IKZF3: variants seen among roughly 807,000 people sequenced by gnomAD.
IKZF3 encodes the protein IKAROS family zinc finger 3, also known as zinc finger protein Aiolos.
Under a neutral mutation model 49.0 loss-of-function variants are expected in IKZF3, and 10 were observed. That is an observed-to-expected ratio of 0.20 (90% CI 0.13 to 0.35). IKZF3 has a LOEUF of 0.35. IKZF3 is among the 10% of genes least tolerant of loss of function. The pLI, the probability that IKZF3 is intolerant of heterozygous loss-of-function variation, is 1.00. For missense variants in IKZF3, 498 were observed against 664.8 expected (o/e 0.75, Z 2.76); for synonymous variants, 209 against 228.2 (o/e 0.92, Z 0.76).
At chr17:39,805,357 G>A (rs1032476601) in intron 3 of IKZF3, among the ~76,000 whole-genome samples, 5 of 152,104 alleles carry the variant, frequency 3.3e-5, no homozygotes, top group African/African-American at 7.2e-5. Context: ...CATATTAGCC[G>A]AAGACAGAGG....
intron 1 of IKZF3, among the ~76,000 whole-genome samples, chr17:39,838,550 C>T (rs2062371339): frequency 6.6e-6 from 1 of 151,828 alleles, no homozygotes; most frequent in Non-Finnish European, 1.5e-5. Flanking sequence ...TCTCTAAATG[C>T]TTTCAAATAT....
At chr17:39,838,583 G>A (rs772361183) in intron 1 of IKZF3, among the ~76,000 whole-genome samples, 6 of 151,608 alleles carry the variant, frequency 4.0e-5, no homozygotes, top group East Asian at 1.9e-4. Context: ...ATTCTCCCAC[G>A]CTTTTCCTTC....
intron 3 of IKZF3, among the ~76,000 whole-genome samples, chr17:39,798,040 T>C (rs1434414650): frequency 1.3e-5 from 2 of 152,164 alleles, no homozygotes; most frequent in African/African-American, 4.8e-5. Context: ...TTTCTCCTGA[T>C]TGGGCCCCAC....
Position 39,766,166 on chromosome 17 carries a change from T to A in IKZF3, c.1154A>T (p.Asp385Val). 6.2e-7 allele frequency: 1 copy of A among 1,612,194 alleles called. No homozygotes were observed. The highest frequency in any genetic ancestry group is 8.5e-7 in the Non-Finnish European group (1 of 1,179,426). Residue 385 changes from aspartate (D) to valine (V), a missense_variant, in exon 8 of 8, where the codon GAC (aspartate) becomes GTC (valine). This residue lies in a region of IKZF3 where 317 missense variants were observed against 397.3 expected (regional missense o/e 0.80). Coordinates refer to ENST00000346872, the MANE Select transcript of IKZF3 (RefSeq NM_012481.5). Reference protein sequence around the residue: ...RGLSPNNSGHDSTDTDSNHEE... With the variant: ...RGLSPNNSGHVSTDTDSNHEE... Reference sequence around the variant, plus strand: ...ATGGTTGCTGTCAGTGTCCGTGGAGTCGTGGCCACTATTGTTGGGAGAGAG... The same window carrying A: ...ATGGTTGCTGTCAGTGTCCGTGGAGACGTGGCCACTATTGTTGGGAGAGAG...
chr17:39,819,508 C>A (rs1347758382), intron 3 of IKZF3, among the ~76,000 whole-genome samples: 1 of 152,042 alleles, frequency 6.6e-6, no homozygotes, highest in East Asian at 1.9e-4. Flanking sequence ...TGCCAGGCAG[C>A]ATTTTTCTGT....
chr17:39,858,223 C>A (rs1205137939), intron 1 of IKZF3, among the ~76,000 whole-genome samples: 2 of 151,928 alleles, frequency 1.3e-5, no homozygotes, highest in Admixed American at 1.3e-4. Context: ...CTTTGGGAGG[C>A]CAAGGCAGGA....
At chr17:39,780,243 T>TAAAAAA (rs398041675) in intron 6 of IKZF3, among the ~76,000 whole-genome samples, 2 of 105,782 alleles carry the variant, frequency 1.9e-5, no homozygotes, top group African/African-American at 6.7e-5. Context: ...AGACTCTGTC[T>TAAAAAA]AAAAAAAAAA....
intron 3 of IKZF3, among the ~76,000 whole-genome samples, chr17:39,812,780 C>T (rs2061590159): frequency 6.6e-6 from 1 of 152,134 alleles, no homozygotes. Context: ...AAGGAGGCAC[C>T]AACACTACTG....
rs2062274368 is a variant in IKZF3, at chr17:39,836,166, C to T, written c.8-4015G>A. The T allele has an allele frequency of 4.5e-6, 3 of 664,704 alleles. No homozygotes were observed. The East Asian group carries it at 8.3e-5, about 18-fold the overall frequency. 41.2% of individuals were successfully genotyped at this position (664,704 alleles called of 1,614,324 possible). A position where few individuals can be genotyped will look rare whatever the true frequency, so the allele number is the denominator to read the frequency against. ...CCTGGATGTTGGGGTCCACCTCCAG[C>T]TTAAGGGGGCTCAGCAGGCTCTGGT... On this transcript the variant is annotated intron_variant, in intron 1 of 7. Transcript: ENST00000346872.
chr17:39,815,298 C>A (rs78436500), intron 3 of IKZF3, among the ~76,000 whole-genome samples: 3,035 of 152,292 alleles, frequency 0.02, 112 homozygotes, highest in African/African-American at 0.07. Context: ...AAGGCCATGT[C>A]TTTTCCACTA....
intron 1 of IKZF3, among the ~76,000 whole-genome samples, chr17:39,857,949 T>A: frequency 7.1e-6 from 1 of 141,572 alleles, no homozygotes; most frequent in African/African-American, 2.7e-5. Context: ...TAGAGAGACC[T>A]CATCTCAAAA....
chr17:39,856,311 C>T (rs889456803), intron 1 of IKZF3, among the ~76,000 whole-genome samples: 7 of 151,826 alleles, frequency 4.6e-5, no homozygotes, highest in East Asian at 2.0e-4. Flanking sequence ...TTTTTTGAGA[C>T]GGAGTCTGGC....
intron 1 of IKZF3, among the ~76,000 whole-genome samples, chr17:39,861,561 C>A (rs145644149): frequency 6.6e-6 from 1 of 152,148 alleles, no homozygotes; most frequent in Non-Finnish European, 1.5e-5. Context: ...TTAAAACCTT[C>A]GCATTTCATC....
intron 3 of IKZF3, among the ~76,000 whole-genome samples, chr17:39,829,055 G>A (rs1338253318): frequency 2.0e-5 from 3 of 151,926 alleles, no homozygotes; most frequent in Non-Finnish European, 2.9e-5. Flanking sequence ...AGTCATTGTC[G>A]GAAAACCAGA....
intron 3 of IKZF3, among the ~76,000 whole-genome samples, chr17:39,822,776 G>T (rs2061845805): frequency 6.6e-6 from 1 of 151,894 alleles, no homozygotes; most frequent in Non-Finnish European, 1.5e-5. Context: ...TAGAGACAGG[G>T]TTTCACCATG....
chr17:39,791,691 AC>A, intron 4 of IKZF3, 108 bp from the exon 5 acceptor site: 1 of 1,126,474 alleles, frequency 8.9e-7, no homozygotes, highest in Admixed American at 2.0e-5. Flanking sequence ...ATTACTGTTC[AC>A]ATTGGGATCA....
rs71149801 is a variant in IKZF3, at chr17:39,764,464, CAAA to C, written c.*1323_*1325del. 14 of 61,022 alleles carry C rather than the reference CAAA, an allele frequency of 2.3e-4. No homozygotes were observed. The highest frequency in any genetic ancestry group is 3.9e-4 in the Admixed American group (2 of 5,182). The allele number at this position is 61,022 out of a possible 1,614,324, so 3.8% of individuals were successfully genotyped here. Reference sequence around the variant, plus strand: ...TGGGCAACAGAGTGAGATCCTGTCTCAAAAAAAAAAAAAAAAAAAAAGTTAAAC... The same window carrying C: ...TGGGCAACAGAGTGAGATCCTGTCTCAAAAAAAAAAAAAAAAAAGTTAAAC... On this transcript the variant is annotated 3_prime_UTR_variant, in exon 8 of 8. Transcript: ENST00000346872.
chr17:39,863,889 T>C lies in IKZF3; in HGVS notation c.7+231A>G, dbSNP rs149429909. Among the ~76,000 whole-genome samples, 467 of 152,320 alleles carry C rather than the reference T, an allele frequency of 3.1e-3. 7 individuals carry two copies. The highest frequency in any genetic ancestry group is 0.011 in the African/African-American group (449 of 41,562). ...GGGTAGACCCCCCATGTCTGACAAC[T>C]CTTTAGAAATAAAATTGCGAAGAAG... On this transcript the variant is annotated intron_variant, in intron 1 of 7. Coordinates refer to ENST00000346872, the MANE Select transcript of IKZF3 (RefSeq NM_012481.5).
Position 39,829,483 on chromosome 17 carries a change from C to A in IKZF3, c.67G>T (p.Ala23Ser). The A allele has an allele frequency of 6.2e-7, 1 of 1,611,126 alleles. No individual in the cohort carries two copies. Among genetic ancestry groups the A allele is most frequent in the South Asian group, 1.1e-5 (1 of 91,002 alleles). The change falls in exon 3 of 8, where the codon GCA becomes TCA. Residue 23 changes from alanine (A) to serine (S), a missense_variant. Physicochemically the swap from Ala to Ser is moderately conservative, Grantham distance 99. This residue lies in a region of IKZF3 where 97 missense variants were observed against 98.9 expected (regional missense o/e 0.98). Transcript: ENST00000346872. ...TQEQSVPAESAAVLNDYSLTK... is the reference protein window; with the variant it reads ...TQEQSVPAESSAVLNDYSLTK... ...AAACTGTAGTCATTCAAAACCGCTG[C>A]ACTTTCTAAAAGATAAAAGGAATTT...
Sources: allele counts gnomAD v4.1 joint callset (sites outside exome capture counted in the v4.1 genomes callset), GRCh38; gene constraint gnomAD v4.1.1; regional missense constraint gnomAD v4.1.1; transcripts MANE v1.5; gene names NCBI Gene and HGNC (gene_info 2026-07-23, HGNC 2026-07-21).